The following UNC13C variants were observed in gnomAD, a reference collection of about 807,000 sequenced individuals.
UNC13C encodes unc-13 homolog C, also known as protein unc-13 homolog C.
In UNC13C, 174 loss-of-function variants were observed where a neutral mutation model predicts 245.4. The ratio of observed to expected loss-of-function variants is 0.71; its 90% CI spans 0.63 to 0.80. The LOEUF (loss-of-function observed/expected upper bound fraction) is 0.80, where lower values mean the gene tolerates loss of function less well. UNC13C is among the 30% of genes least tolerant of loss of function. UNC13C has a pLI of 0.00. For missense variants in UNC13C, 2,829 were observed against 2,602.9 expected, an observed-to-expected ratio of 1.09 and a Z score of -1.89; for synonymous variants, 992 against 895.1, an observed-to-expected ratio of 1.11 and a Z score of -1.93.
At chr15:54,004,312 A>G (rs1895041648) in intron 1 of UNC13C, among the ~76,000 whole-genome samples, 1 of 152,144 alleles carries the variant, frequency 6.6e-6, no homozygotes, top group Non-Finnish European at 1.5e-5. Flanking sequence ...CTCCAGTTGC[A>G]TCTATATTGT....
chr15:54,020,393 G>A (rs1358611918), intron 2 of UNC13C, among the ~76,000 whole-genome samples: 2 of 147,014 alleles, frequency 1.4e-5, no homozygotes, highest in Non-Finnish European at 3.0e-5. Flanking sequence ...TCCTGCCTCA[G>A]CCTCCCGAGT....
chr15:53,867,857 A>G, the UNC13C span, among the ~76,000 whole-genome samples: 1 of 152,066 alleles, frequency 6.6e-6, no homozygotes, highest in African/African-American at 2.4e-5. Context: ...TTGAGACAGG[A>G]TCTTGCTCTG....
chr15:53,963,662 C>G, the UNC13C span, among the ~76,000 whole-genome samples: 1 of 152,138 alleles, frequency 6.6e-6, no homozygotes, highest in Middle Eastern at 3.4e-3. Context: ...TAAGAGGAGC[C>G]CTGCTAAGAG....
At chr15:54,574,010 T>A (rs1897860605) in intron 30 of UNC13C, among the ~76,000 whole-genome samples, 1 of 152,210 alleles carries the variant, frequency 6.6e-6, no homozygotes, top group Admixed American at 6.5e-5. Flanking sequence ...TCCAGGAAAG[T>A]ACGTACTTGC....
At chr15:54,018,466 G>T (rs73415058) in intron 2 of UNC13C, among the ~76,000 whole-genome samples, 2,331 of 152,288 alleles carry the variant, frequency 0.015, 66 homozygotes, top group African/African-American at 0.052. Context: ...AATGTTTATA[G>T]ATGTGGATAT....
At chr15:54,442,981 G>C (rs1251246360) in intron 19 of UNC13C, among the ~76,000 whole-genome samples, 1 of 152,044 alleles carries the variant, frequency 6.6e-6, no homozygotes, top group Non-Finnish European at 1.5e-5. Flanking sequence ...AATAATTTGA[G>C]GTTAATTGGT....
intron 1 of UNC13C, among the ~76,000 whole-genome samples, chr15:53,986,767 A>G (rs984362339): frequency 1.3e-5 from 2 of 148,152 alleles, no homozygotes; most frequent in African/African-American, 2.5e-5. Flanking sequence ...TAGAGGACAG[A>G]TAATTTACTG....
At chr15:53,980,947 G>A (rs12101828) in intron 1 of UNC13C, among the ~76,000 whole-genome samples, 4 of 152,132 alleles carry the variant, frequency 2.6e-5, no homozygotes, top group African/African-American at 9.7e-5. Context: ...TGGGTCATTG[G>A]AAACACAGGA....
At chr15:54,586,680 TG>T (rs1462762583) in intron 30 of UNC13C, among the ~76,000 whole-genome samples, 1 of 152,236 alleles carries the variant, frequency 6.6e-6, no homozygotes, top group Non-Finnish European at 1.5e-5. Context: ...AGTTGGCATT[TG>T]CCCTTACAGG....
At chr15:54,230,814 C>G (rs551197715) in intron 4 of UNC13C, among the ~76,000 whole-genome samples, 2 of 152,006 alleles carry the variant, frequency 1.3e-5, no homozygotes, top group South Asian at 4.2e-4. Context: ...ATTTAATCAG[C>G]CCACATTGCC....
At chr15:54,122,188 A>G (rs2030715104) in intron 2 of UNC13C, among the ~76,000 whole-genome samples, 1 of 151,892 alleles carries the variant, frequency 6.6e-6, no homozygotes, top group Non-Finnish European at 1.5e-5. Flanking sequence ...TGTAGAAATG[A>G]TAACAGTCCT....
the UNC13C span, among the ~76,000 whole-genome samples, chr15:53,953,387 A>G: frequency 6.6e-6 from 1 of 152,204 alleles, no homozygotes; most frequent in Non-Finnish European, 1.5e-5. Context: ...GGAGGGCCCC[A>G]GAAGTCAAGG....
chr15:54,350,579 T>A (rs1304353173), intron 17 of UNC13C, among the ~76,000 whole-genome samples: 1 of 152,192 alleles, frequency 6.6e-6, no homozygotes, highest in East Asian at 1.9e-4. Flanking sequence ...TATGCTATAT[T>A]TGTGGTATCT....
intron 19 of UNC13C, among the ~76,000 whole-genome samples, chr15:54,451,787 G>A (rs1179004463): frequency 1.3e-5 from 2 of 152,010 alleles, no homozygotes; most frequent in Non-Finnish European, 2.9e-5. Context: ...ATATGTAGCT[G>A]CAGAATTATT....
chr15:54,443,753 A>G (rs1299989783), intron 19 of UNC13C, among the ~76,000 whole-genome samples: 1 of 151,826 alleles, frequency 6.6e-6, no homozygotes, highest in African/African-American at 2.4e-5. Flanking sequence ...ATTTTATTTT[A>G]TTGTTGTATG....
At chr15:54,290,771 A>G (rs1184798621) in intron 10 of UNC13C, among the ~76,000 whole-genome samples, 1 of 151,998 alleles carries the variant, frequency 6.6e-6, no homozygotes, top group Non-Finnish European at 1.5e-5. Context: ...TGAGATGGAT[A>G]TTTTTTCTTG....
chr15:53,891,909 C>T, the UNC13C span, among the ~76,000 whole-genome samples: 1 of 152,180 alleles, frequency 6.6e-6, no homozygotes, highest in Non-Finnish European at 1.5e-5. Flanking sequence ...CATTATGATG[C>T]TGGCTGGTTA....
At chr15:54,531,386 T>C (rs1183553313) in intron 25 of UNC13C, among the ~76,000 whole-genome samples, 1 of 152,222 alleles carries the variant, frequency 6.6e-6, no homozygotes, top group African/African-American at 2.4e-5. Flanking sequence ...GAATTTTAGA[T>C]ACATAAGGAA....
chr15:54,247,072 G>A (rs1290325809), intron 7 of UNC13C, among the ~76,000 whole-genome samples: 1 of 152,114 alleles, frequency 6.6e-6, no homozygotes, highest in East Asian at 1.9e-4. Flanking sequence ...ACCCTCTCTT[G>A]ATAACATACT....
Sources: allele counts gnomAD v4.1 joint callset (sites outside exome capture counted in the v4.1 genomes callset), GRCh38; gene constraint gnomAD v4.1.1; transcripts MANE v1.5; gene names NCBI Gene and HGNC (gene_info 2026-07-23, HGNC 2026-07-21).